CSMD1: variants seen among roughly 807,000 people sequenced by gnomAD.
CSMD1 encodes the protein CUB and Sushi multiple domains 1.
CSMD1 carries 213 observed loss-of-function variants against 417.5 expected under a neutral mutation model. That is an observed-to-expected ratio of 0.51 (90% CI 0.46 to 0.57). CSMD1 has a LOEUF of 0.57. CSMD1 is among the 20% of genes least tolerant of loss of function. The pLI, the probability that CSMD1 is intolerant of heterozygous loss-of-function variation, is 0.00. For missense variants in CSMD1, 6,923 were observed against 4,529.7 expected (o/e 1.53, Z -15.17); for synonymous variants, 2,862 against 1,736.8 (o/e 1.65, Z -16.11).
chr8:3,071,088 C>A (rs904868996), intron 49 of CSMD1, among the ~76,000 whole-genome samples: 1 of 152,086 alleles, frequency 6.6e-6, no homozygotes, highest in Non-Finnish European at 1.5e-5. Context: ...ATGCCACACA[C>A]CCAGGTCTCA....
chr8:3,029,266 C>G, intron 51 of CSMD1, 53 bp downstream of exon 51: 2 of 1,471,642 alleles, frequency 1.4e-6, no homozygotes, highest in Non-Finnish European at 9.2e-7. Context: ...CATAAGCCAT[C>G]TAGAATAATC....
At chr8:3,581,951 T>C (rs1800400890) in intron 9 of CSMD1, among the ~76,000 whole-genome samples, 1 of 152,158 alleles carries the variant, frequency 6.6e-6, no homozygotes, top group Non-Finnish European at 1.5e-5. Flanking sequence ...ATTATAGGCA[T>C]GCACCAGCAT....
At chr8:4,862,265 G>T (rs1006713777) in intron 1 of CSMD1, among the ~76,000 whole-genome samples, 1 of 152,016 alleles carries the variant, frequency 6.6e-6, no homozygotes, top group Non-Finnish European at 1.5e-5. Flanking sequence ...GCTCACAGAG[G>T]TACTGGGAGC....
rs544851325 is a variant in CSMD1, at chr8:4,213,934, G to C, written c.416-181835C>G. 4.5e-4 allele frequency among the ~76,000 whole-genome samples: 68 copies of C among 152,314 alleles called. No individual in the cohort carries two copies. In the Middle Eastern group the frequency reaches 0.024, roughly 53 times the overall value. ...GGGATGACTCATTAATTAGACACTA[G>C]CATACGACTATGTAACCACAGTGCA... On this transcript the variant is annotated intron_variant, in intron 3 of 69. Transcript: ENST00000635120.
At chr8:3,403,759 G>C (rs959617707) in intron 15 of CSMD1, among the ~76,000 whole-genome samples, 2 of 152,144 alleles carry the variant, frequency 1.3e-5, no homozygotes, top group Admixed American at 1.3e-4. Context: ...ATTTGCACCT[G>C]TGACTAACTG....
chr8:4,180,511 G>A (rs1187611217), intron 3 of CSMD1, among the ~76,000 whole-genome samples: 1 of 151,224 alleles, frequency 6.6e-6, no homozygotes, highest in South Asian at 2.1e-4. Context: ...ACACCAGCAT[G>A]GCACATGTAT....
At chr8:3,816,471 T>C (rs190150593) in intron 5 of CSMD1, among the ~76,000 whole-genome samples, 52 of 152,280 alleles carry the variant, frequency 3.4e-4, no homozygotes, top group African/African-American at 1.2e-3. Context: ...CTGTTATGAA[T>C]CTCTCGCTGT....
At position 4,307,372 on chromosome 8, in the gene CSMD1, A is replaced by C. The variant is rs115672949; in HGVS notation, c.415+112581T>G. Among the ~76,000 whole-genome samples, 1,131 of 152,258 alleles carry C rather than the reference A, an allele frequency of 7.4e-3. 13 individuals carry two copies. Among genetic ancestry groups the C allele is most frequent in the African/African-American group, 0.026 (1,069 of 41,556 alleles). On this transcript the variant is annotated intron_variant, in intron 3 of 69. Coordinates refer to ENST00000635120, the MANE Select transcript of CSMD1 (RefSeq NM_033225.6). ...AGAGCAATGGGAGAGGTGGTGGAGC[A>C]CAGCTTGGCCTCCTGCACTCTTTTC...
chr8:3,990,569 T>C (rs1474633148), intron 5 of CSMD1, among the ~76,000 whole-genome samples: 1 of 152,204 alleles, frequency 6.6e-6, no homozygotes, highest in Non-Finnish European at 1.5e-5. Context: ...ATTAGAAAAG[T>C]GTCCCAAATT....
intron 48 of CSMD1, among the ~76,000 whole-genome samples, chr8:3,090,972 C>A (rs1300922306): frequency 6.6e-6 from 1 of 151,780 alleles, no homozygotes; most frequent in Non-Finnish European, 1.5e-5. Context: ...AGAATGATTA[C>A]AGTATATAAA....
chr8:4,159,093 T>A (rs1421343793), intron 3 of CSMD1, among the ~76,000 whole-genome samples: 1 of 152,050 alleles, frequency 6.6e-6, no homozygotes, highest in East Asian at 1.9e-4. Flanking sequence ...TTTTTGTATT[T>A]TTAGTAGAGA....
intron 41 of CSMD1, among the ~76,000 whole-genome samples, chr8:3,123,516 A>T (rs145055860): frequency 8.3e-4 from 127 of 152,240 alleles, no homozygotes; most frequent in African/African-American, 2.9e-3. Flanking sequence ...TCAGCAATTC[A>T]TTTCTCATTC....
At chr8:3,986,735 G>T (rs535915022) in intron 5 of CSMD1, among the ~76,000 whole-genome samples, 4 of 151,434 alleles carry the variant, frequency 2.6e-5, no homozygotes, top group Admixed American at 6.6e-5. Context: ...TTGCTCAAAG[G>T]CCTGCTTTTA....
intron 1 of CSMD1, among the ~76,000 whole-genome samples, chr8:4,923,966 G>C (rs1316541405): frequency 6.6e-6 from 1 of 152,274 alleles, no homozygotes; most frequent in Middle Eastern, 3.4e-3. Flanking sequence ...CCTTGCATCT[G>C]AATCATCCTT....
At chr8:4,987,160 G>C (rs967901394) in intron 1 of CSMD1, among the ~76,000 whole-genome samples, 3 of 151,954 alleles carry the variant, frequency 2.0e-5, no homozygotes, top group East Asian at 1.9e-4. Flanking sequence ...GGATGGGCGT[G>C]GGTAGAAAAT....
At chr8:2,963,195 C>A (rs781761882) in intron 60 of CSMD1, 27 bp downstream of exon 60, 3 of 1,611,282 alleles carry the variant, frequency 1.9e-6, no homozygotes, top group East Asian at 2.2e-5. Flanking sequence ...CTGCAGTGGG[C>A]GGAACAAATT....
chr8:3,181,420 C>G (rs71521811), intron 36 of CSMD1, among the ~76,000 whole-genome samples: 1 of 152,174 alleles, frequency 6.6e-6, no homozygotes, highest in Non-Finnish European at 1.5e-5. Flanking sequence ...TCTGCTCTGA[C>G]CTGCTCAAGT....
At chr8:4,857,681 C>G (rs1801883932) in intron 1 of CSMD1, among the ~76,000 whole-genome samples, 1 of 151,944 alleles carries the variant, frequency 6.6e-6, no homozygotes, top group Non-Finnish European at 1.5e-5. Context: ...GGATAAATTC[C>G]TGGACACATA....
At chr8:4,906,551 A>C (rs1195287949) in intron 1 of CSMD1, among the ~76,000 whole-genome samples, 1 of 148,412 alleles carries the variant, frequency 6.7e-6, no homozygotes, top group Admixed American at 6.9e-5. Context: ...TTGTCTTTTC[A>C]AGGTAGCTAT....
Sources: gnomAD v4.1 joint callset for allele counts (sites outside exome capture counted in the v4.1 genomes callset) on GRCh38, gnomAD v4.1.1 for gene constraint, MANE v1.5 for transcripts, NCBI Gene and HGNC (gene_info 2026-07-23, HGNC 2026-07-21) for gene names.